The following SLC24A3 variants were observed in gnomAD, a reference collection of about 807,000 sequenced individuals.
SLC24A3 encodes sodium/potassium/calcium exchanger 3.
SLC24A3 carries 28 observed loss-of-function variants against 75.8 expected under a neutral mutation model. That is an observed-to-expected ratio of 0.37 (90% CI 0.27 to 0.51). The LOEUF (loss-of-function observed/expected upper bound fraction) is 0.51. SLC24A3 is among the 20% of genes least tolerant of loss of function. The probability of loss-of-function intolerance (pLI) is 0.94; values close to 1 mark genes in which losing one functional copy is unlikely to be tolerated. For synonymous variants in SLC24A3, 372 were observed against 334.1 expected (o/e 1.11, Z -1.24); for missense variants, 663 against 847.8 (o/e 0.78, Z 2.71).
intron 2 of SLC24A3, among the ~76,000 whole-genome samples, chr20:19,513,832 T>A (rs1201199522): frequency 6.6e-6 from 1 of 152,114 alleles, no homozygotes; most frequent in African/African-American, 2.4e-5. Context: ...ACAGATACAT[T>A]GTGAAATGTT....
chr20:19,490,508 G>A (rs1183674644), intron 2 of SLC24A3, among the ~76,000 whole-genome samples: 5 of 152,128 alleles, frequency 3.3e-5, no homozygotes, highest in African/African-American at 4.8e-5. Context: ...CTAAAATAGC[G>A]GCTTTAGGTG....
intron 9 of SLC24A3, among the ~76,000 whole-genome samples, chr20:19,679,867 A>ATG (rs77970947): frequency 6.6e-6 from 1 of 151,432 alleles, no homozygotes. Context: ...ATGTGTGTGC[A>ATG]TGTGTGTGTG....
chr20:19,329,870 G>T lies in SLC24A3; in HGVS notation c.271+48783G>T, dbSNP rs112640979. Among the ~76,000 whole-genome samples the T allele has an allele frequency of 4.4e-3, 670 of 152,236 alleles. 7 individuals are homozygous for T. The highest frequency in any genetic ancestry group is 0.015 in the African/African-American group (607 of 41,538). Reference sequence around the variant, plus strand: ...TTACCTGTGCTATTTGAAGGTCAAGGCTTTGACCTTGGCAGCATGTGGGGA... The same window carrying T: ...TTACCTGTGCTATTTGAAGGTCAAGTCTTTGACCTTGGCAGCATGTGGGGA... On this transcript the variant is annotated intron_variant, in intron 2 of 16. Transcript: ENST00000328041.
intron 2 of SLC24A3, among the ~76,000 whole-genome samples, chr20:19,408,903 A>G (rs545596444): frequency 6.6e-6 from 1 of 152,330 alleles, no homozygotes; most frequent in Admixed American, 6.5e-5. Context: ...GTTTTCATTC[A>G]TTCATTTGTT....
At chr20:19,498,638 G>T (rs1243112219) in intron 2 of SLC24A3, among the ~76,000 whole-genome samples, 3 of 152,118 alleles carry the variant, frequency 2.0e-5, no homozygotes, top group African/African-American at 7.2e-5. Context: ...TATCAATATG[G>T]TTATAGCTAT....
At chr20:19,306,538 A>G (rs563156232) in intron 2 of SLC24A3, among the ~76,000 whole-genome samples, 1 of 152,214 alleles carries the variant, frequency 6.6e-6, no homozygotes, top group East Asian at 1.9e-4. Flanking sequence ...GAATGAAATT[A>G]TGTTCTTTGC....
intron 14 of SLC24A3, 73 bp downstream of exon 14, chr20:19,696,984 A>C: frequency 1.3e-5 from 2 of 155,766 alleles, no homozygotes; most frequent in Non-Finnish European, 2.6e-5. Context: ...GGAGGGAGGG[A>C]GGGAGGGAAG....
intron 3 of SLC24A3, among the ~76,000 whole-genome samples, chr20:19,571,708 T>C (rs2031055350): frequency 6.6e-6 from 1 of 152,220 alleles, no homozygotes; most frequent in African/African-American, 2.4e-5. Context: ...TCCCTTGGAA[T>C]CTGAGCCCCT....
At chr20:19,460,208 G>A (rs148237902) in intron 2 of SLC24A3, among the ~76,000 whole-genome samples, 16 of 152,198 alleles carry the variant, frequency 1.1e-4, no homozygotes, top group East Asian at 7.8e-4. Context: ...TAAATTTTGC[G>A]CACCAGGTAC....
intron 2 of SLC24A3, among the ~76,000 whole-genome samples, chr20:19,421,992 A>G (rs1365821703): frequency 6.6e-6 from 1 of 152,122 alleles, no homozygotes; most frequent in Admixed American, 6.5e-5. Context: ...ATTGTGAGGA[A>G]CACGCCTCAG....
intron 14 of SLC24A3, among the ~76,000 whole-genome samples, chr20:19,698,227 A>G (rs1328228378): frequency 6.6e-6 from 1 of 152,170 alleles, no homozygotes; most frequent in Non-Finnish European, 1.5e-5. Context: ...CCCATAATCC[A>G]ATCACTTCCC....
chr20:19,376,345 A>G (rs1986083552), intron 2 of SLC24A3, among the ~76,000 whole-genome samples: 1 of 152,230 alleles, frequency 6.6e-6, no homozygotes, highest in Non-Finnish European at 1.5e-5. Flanking sequence ...TCAGTGTTCA[A>G]GATGGCTTCC....
intron 6 of SLC24A3, among the ~76,000 whole-genome samples, chr20:19,601,201 G>A (rs74527236): frequency 0.027 from 4,088 of 152,294 alleles, 160 homozygotes; most frequent in African/African-American, 0.094. Context: ...TGTGTTGCCA[G>A]CAAGAGTTTG....
intron 2 of SLC24A3, among the ~76,000 whole-genome samples, chr20:19,457,394 G>A (rs1401153350): frequency 6.6e-6 from 1 of 152,146 alleles, no homozygotes; most frequent in Non-Finnish European, 1.5e-5. Flanking sequence ...TACAAATTCA[G>A]ACTAAAACAA....
chr20:19,545,876 C>T (rs2030580026), intron 3 of SLC24A3, among the ~76,000 whole-genome samples: 1 of 152,040 alleles, frequency 6.6e-6, no homozygotes, highest in Non-Finnish European at 1.5e-5. Flanking sequence ...AGGTCATCGA[C>T]CGGCCAGGCA....
At chr20:19,632,222 G>C (rs372587660) in intron 6 of SLC24A3, among the ~76,000 whole-genome samples, 42 of 152,254 alleles carry the variant, frequency 2.8e-4, no homozygotes, top group African/African-American at 8.9e-4. Flanking sequence ...AGCAGGGTAG[G>C]TGTATTAGCT....
At chr20:19,364,385 C>A (rs538731188) in intron 2 of SLC24A3, among the ~76,000 whole-genome samples, 12 of 152,188 alleles carry the variant, frequency 7.9e-5, no homozygotes, top group African/African-American at 2.6e-4. Context: ...CTTATTTTTG[C>A]CCTGAGACCA....
Position 19,454,767 on chromosome 20 carries a change from A to C in SLC24A3, c.272-60721A>C, listed in dbSNP as rs181812362. Among the ~76,000 whole-genome samples, 304 of 152,312 alleles carry C rather than the reference A, an allele frequency of 2.0e-3. 1 individual carries two copies. The highest frequency in any genetic ancestry group is 7.0e-3 in the African/African-American group (292 of 41,572). ...CCTGCAGATGAATGAGATGAAATGT[A>C]ATCAGGTTAAATGCAAAGTCCCTCA... On this transcript the variant is annotated intron_variant, in intron 2 of 16. Transcript: ENST00000328041.
At chr20:19,324,575 G>A (rs1382753273) in intron 2 of SLC24A3, among the ~76,000 whole-genome samples, 2 of 152,132 alleles carry the variant, frequency 1.3e-5, no homozygotes, top group Non-Finnish European at 2.9e-5. Flanking sequence ...CCTCAGCCAC[G>A]CTTCTCACTG....
Sources: gnomAD v4.1 joint callset for allele counts (sites outside exome capture counted in the v4.1 genomes callset) on GRCh38, gnomAD v4.1.1 for gene constraint, MANE v1.5 for transcripts, NCBI Gene and HGNC (gene_info 2026-07-23, HGNC 2026-07-21) for gene names.